Variants in SH3RF2 observed in about 807,000 individuals in gnomAD.
SH3RF2 encodes E3 ubiquitin-protein ligase SH3RF2.
In SH3RF2, 43 loss-of-function variants were observed where a neutral mutation model predicts 59.0. The observed-to-expected ratio is 0.73, with a 90% CI of 0.57 to 0.94. The LOEUF is 0.94. SH3RF2 is among the 40% of genes least tolerant of loss of function. The pLI is 0.00. For synonymous variants in SH3RF2, 391 were observed against 391.5 expected, an observed-to-expected ratio of 1.00 and a Z score of 0.01; for missense variants, 930 against 940.1, an observed-to-expected ratio of 0.99 and a Z score of 0.14.
At chr5:146,052,711 C>G (rs1762541576) in intron 7 of SH3RF2, among the ~76,000 whole-genome samples, 1 of 152,170 alleles carries the variant, frequency 6.6e-6, no homozygotes, top group Admixed American at 6.5e-5. Flanking sequence ...GATACATACC[C>G]AGTCCATCTA....
chr5:146,067,354 G>C (rs1333930890), downstream of SH3RF2, among the ~76,000 whole-genome samples: 1 of 152,258 alleles, frequency 6.6e-6, no homozygotes, highest in East Asian at 1.9e-4. Context: ...AACATACTGC[G>C]CCACAGCAGC....
At chr5:145,997,560 G>A in intron 2 of SH3RF2, 3 of 1,608,210 alleles carry the variant, frequency 1.9e-6, no homozygotes, top group East Asian at 4.5e-5. Flanking sequence ...AGTTATTACG[G>A]TTTCAGGATT....
Position 146,059,922 on chromosome 5 carries a change from C to A in SH3RF2, c.1612C>A (p.Leu538Ile). The A allele has an allele frequency of 6.6e-7, 1 of 1,508,810 alleles. No homozygotes were observed. Among genetic ancestry groups the A allele is most frequent in the Non-Finnish European group, 8.9e-7 (1 of 1,129,182 alleles). The allele number at this position is 1,508,810 out of a possible 1,614,324, so 93.5% of individuals were successfully genotyped here. Reference protein sequence around the residue: ...SGIPTLVVGSLRRSPTMVLRP... With the variant: ...SGIPTLVVGSIRRSPTMVLRP... ...GATCCCCACTCTCGTGGTAGGCTCC[C>A]TCAGACGCAGCCCCACCATGGTCCT... The change falls in exon 9 of 10, where the codon CTC (leucine) becomes ATC (isoleucine). Residue 538 changes from leucine to isoleucine, a missense_variant. Coordinates refer to ENST00000359120, the MANE Select transcript of SH3RF2 (RefSeq NM_152550.4).
At chr5:145,961,612 A>G (rs1271495168) in intron 2 of SH3RF2, among the ~76,000 whole-genome samples, 1 of 152,180 alleles carries the variant, frequency 6.6e-6, no homozygotes, top group Non-Finnish European at 1.5e-5. Context: ...ATGTTCTATA[A>G]CCACAGTGGT....
At chr5:146,064,790 AGG>A (rs1561773723), downstream of SH3RF2, among the ~76,000 whole-genome samples, 19 of 33,204 alleles carry the variant, frequency 5.7e-4, 1 homozygote, top group African/African-American at 2.0e-3. Context: ...GAAGGAAGGA[AGG>A]AAGGAAGGAA....
rs550029412 is a variant in SH3RF2 at position 146,059,287 on chromosome 5, C to T, written c.1556-579C>T. ...TGCTTGCCTAGCCCTTGCCACTCACCCTTTCTCCCTGCAGCCCCCGACAAA... is the reference window on the plus strand; with the variant it reads ...TGCTTGCCTAGCCCTTGCCACTCACTCTTTCTCCCTGCAGCCCCCGACAAA... On this transcript the variant is annotated intron_variant, in intron 8 of 9. Coordinates refer to ENST00000359120, the MANE Select transcript of SH3RF2 (RefSeq NM_152550.4). Among the ~76,000 whole-genome samples, 3 of 152,198 alleles carry T rather than the reference C, an allele frequency of 2.0e-5. No homozygotes were observed. The East Asian group carries it at 5.8e-4, about 29-fold the overall frequency.
chr5:145,999,440 A>G (rs1046828913), intron 2 of SH3RF2, among the ~76,000 whole-genome samples: 23 of 152,294 alleles, frequency 1.5e-4, no homozygotes, highest in Admixed American at 2.6e-4. Context: ...ACTGTTTGTC[A>G]CAAGAGGCCT....
Position 146,005,267 on chromosome 5 carries a change from A to G in SH3RF2, c.744+1114A>G, listed in dbSNP as rs1760597297. ...TAGCCATGAGCCTCACTTTAGCTTG[A>G]AGCAAGTCATTACATATTTAAAAGA... is the stretch of plus-strand genomic sequence containing the variant. On this transcript the variant is annotated intron_variant, in intron 4 of 9. Coordinates refer to ENST00000359120, the MANE Select transcript of SH3RF2 (RefSeq NM_152550.4). Among the ~76,000 whole-genome samples the G allele has an allele frequency of 2.0e-5, 3 of 152,332 alleles. No individual in the cohort carries two copies. In the South Asian group the frequency reaches 6.2e-4, roughly 32 times the overall value.
chr5:146,066,138 T>C (rs1240112763), downstream of SH3RF2, among the ~76,000 whole-genome samples: 2 of 152,218 alleles, frequency 1.3e-5, no homozygotes, highest in African/African-American at 4.8e-5. Context: ...AGTCTCAAAC[T>C]GTCTGACTTC....
At chr5:145,962,186 G>A (rs1033390830) in intron 2 of SH3RF2, among the ~76,000 whole-genome samples, 6 of 152,116 alleles carry the variant, frequency 3.9e-5, no homozygotes, top group African/African-American at 1.2e-4. Context: ...GTTGGACCTC[G>A]GTCATGTGGC....
At chr5:145,956,980 A>T (rs1021469380) in intron 2 of SH3RF2, among the ~76,000 whole-genome samples, 5 of 152,244 alleles carry the variant, frequency 3.3e-5, no homozygotes, top group African/African-American at 1.2e-4. Flanking sequence ...CTTCATAACT[A>T]TCAGGCAGCA....
intron 5 of SH3RF2, among the ~76,000 whole-genome samples, chr5:146,021,724 C>T (rs1049555898): frequency 6.6e-6 from 1 of 152,138 alleles, no homozygotes; most frequent in African/African-American, 2.4e-5. Context: ...CTCTATTTTG[C>T]CAGAGCCCCC....
At position 146,013,806 on chromosome 5, in the gene SH3RF2, A is replaced by C. The variant is rs1224665171; in HGVS notation, c.804A>C (p.Thr268=). 1 of 1,613,782 alleles carries C rather than the reference A, an allele frequency of 6.2e-7. No homozygotes were observed. Among genetic ancestry groups the C allele is most frequent in the Non-Finnish European group, 8.5e-7 (1 of 1,179,708 alleles). ...ACAAAGGTCGCCAGTCATCCCGCACAAAAAACCTGTCCCTGGTGTCCTCGT... is the reference window on the plus strand; with the variant it reads ...ACAAAGGTCGCCAGTCATCCCGCACCAAAAACCTGTCCCTGGTGTCCTCGT... ...EKNKGRQSSR[T]KNLSLVSSSS... The change falls in exon 5 of 10, where the codon ACA becomes ACC. Residue 268 remains threonine, a synonymous_variant. Transcript: ENST00000359120.
intron 2 of SH3RF2, among the ~76,000 whole-genome samples, chr5:145,999,467 C>A (rs1760304061): frequency 6.6e-6 from 1 of 152,214 alleles, no homozygotes; most frequent in Non-Finnish European, 1.5e-5. Flanking sequence ...TGGCCTATCT[C>A]AGCTTTAGTC....
At chr5:146,005,167 A>T (rs1437126075) in intron 4 of SH3RF2, among the ~76,000 whole-genome samples, 1 of 149,044 alleles carries the variant, frequency 6.7e-6, no homozygotes, top group African/African-American at 2.5e-5. Flanking sequence ...AATCTTCTTT[A>T]AAAAAAAAAG....
At chr5:145,993,606 G>T (rs192487885) in intron 2 of SH3RF2, among the ~76,000 whole-genome samples, 2 of 152,350 alleles carry the variant, frequency 1.3e-5, no homozygotes, top group Middle Eastern at 3.4e-3. Flanking sequence ...CTTGAGGCTT[G>T]CACCCTTTGA....
chr5:145,972,542 C>T (rs1051209432), intron 2 of SH3RF2, among the ~76,000 whole-genome samples: 1 of 152,208 alleles, frequency 6.6e-6, no homozygotes, highest in African/African-American at 2.4e-5. Context: ...GTGCCATTCA[C>T]ACGGCAATCA....
rs1762656462 is a variant in SH3RF2 at position 146,056,108 on chromosome 5, T to C, written c.1450T>C (p.Ser484Pro). ...TCCACGGCAAAGCCGTCCCTTCAAA[T>C]CCGTCTTTGTGCCCACTGCCATAGT... ...GDPRQSRPFKSVFVPTAIVNP... is the reference protein window; with the variant it reads ...GDPRQSRPFKPVFVPTAIVNP... The change falls in exon 8 of 10, where the codon TCC (serine) becomes CCC (proline). Residue 484 changes from serine (S) to proline (P), a missense_variant. Ser to Pro is a moderately conservative substitution (Grantham distance 74). Coordinates refer to ENST00000359120, the MANE Select transcript of SH3RF2 (RefSeq NM_152550.4). 1 of 1,614,210 alleles carries C rather than the reference T, an allele frequency of 6.2e-7. No individual in the cohort carries two copies. The highest frequency in any genetic ancestry group is 1.3e-5 in the African/African-American group (1 of 75,044).
At chr5:145,973,266 C>T (rs1409699750) in intron 2 of SH3RF2, among the ~76,000 whole-genome samples, 1 of 152,158 alleles carries the variant, frequency 6.6e-6, no homozygotes, top group East Asian at 1.9e-4. Flanking sequence ...GGCAATGACC[C>T]TTAAGCCAAA....
Sources: gnomAD v4.1 joint callset for allele counts (sites outside exome capture counted in the v4.1 genomes callset) on GRCh38, gnomAD v4.1.1 for gene constraint, MANE v1.5 for transcripts, NCBI Gene and HGNC (gene_info 2026-07-23, HGNC 2026-07-21) for gene names.